LRMDA: variants seen among roughly 807,000 people sequenced by gnomAD.
LRMDA encodes leucine rich melanocyte differentiation associated.
LRMDA carries 18 observed loss-of-function variants against 29.8 expected under a neutral mutation model. The ratio of observed to expected loss-of-function variants is 0.60; its 90% CI spans 0.42 to 0.90. The LOEUF is 0.90. Ranked by LOEUF, LRMDA falls within the 40% of genes least tolerant of loss-of-function variation. LRMDA has a pLI of 0.00. For missense variants in LRMDA, 273 were observed against 273.9 expected (o/e 1.00, Z 0.02); for synonymous variants, 125 against 109.4 (o/e 1.14, Z -0.89).
chr10:75,938,960 G>A (rs1052767737), intron 2 of LRMDA, among the ~76,000 whole-genome samples: 6 of 152,170 alleles, frequency 3.9e-5, no homozygotes, highest in Admixed American at 6.5e-5. Flanking sequence ...GGGAAGCAGC[G>A]AACTGCAGAG....
rs960008420 is a variant in LRMDA, at chr10:75,508,025, G to A, written c.131+69531G>A. On this transcript the variant is annotated intron_variant, in intron 2 of 6. Transcript: ENST00000611255. The stretch of plus-strand genomic sequence containing the variant: ...ACACATGCAGAAGCATTTTAAAAAC[G>A]TATAGGGTTCGTAACTCTTTCGCTG... 4.6e-5 allele frequency among the ~76,000 whole-genome samples: 7 copies of A among 152,150 alleles called. No individual in the cohort carries two copies. In the South Asian group the frequency reaches 6.2e-4, roughly 14 times the overall value.
intron 2 of LRMDA, among the ~76,000 whole-genome samples, chr10:75,936,220 G>A (rs1267796648): frequency 6.6e-6 from 1 of 152,120 alleles, no homozygotes. Context: ...GTTTAAAAAT[G>A]TGCATATGTG....
At chr10:76,083,791 G>A (rs900589687) in intron 5 of LRMDA, among the ~76,000 whole-genome samples, 6 of 144,898 alleles carry the variant, frequency 4.1e-5, no homozygotes, top group Admixed American at 7.0e-5. Context: ...CTGAGATCGC[G>A]CCATTGCACT....
At chr10:75,598,774 T>C (rs2132089708) in intron 2 of LRMDA, among the ~76,000 whole-genome samples, 1 of 152,244 alleles carries the variant, frequency 6.6e-6, no homozygotes, top group Admixed American at 6.5e-5. Context: ...AACCTTTTGC[T>C]AAGAAGTTAT....
chr10:76,008,161 G>A (rs1847706602), intron 2 of LRMDA, among the ~76,000 whole-genome samples: 1 of 152,176 alleles, frequency 6.6e-6, no homozygotes, highest in Non-Finnish European at 1.5e-5. Flanking sequence ...GGGTGTTTGC[G>A]TTGGGGTGGC....
At chr10:75,978,027 A>G (rs1050886808) in intron 2 of LRMDA, among the ~76,000 whole-genome samples, 2 of 152,234 alleles carry the variant, frequency 1.3e-5, no homozygotes, top group Admixed American at 6.5e-5. Flanking sequence ...CATAAATGGC[A>G]TGCTGATTGT....
intron 2 of LRMDA, among the ~76,000 whole-genome samples, chr10:75,860,102 T>C (rs1844896835): frequency 6.6e-6 from 1 of 152,152 alleles, no homozygotes. Flanking sequence ...TTTGTCTATC[T>C]GTTTGCTATT....
rs115445760 is a variant in LRMDA, at chr10:75,438,757, G to A, written c.131+263G>A. ...TCACACGAGTTCCTATGAGAGAGCC[G>A]TCATATTTTCACTGTGTTCTTTTCA... On this transcript the variant is annotated intron_variant, in intron 2 of 6. Transcript: ENST00000611255. Among the ~76,000 whole-genome samples, 609 of 152,246 alleles carry A rather than the reference G, an allele frequency of 4.0e-3. 2 individuals carry two copies. Among genetic ancestry groups the A allele is most frequent in the African/African-American group, 0.014 (575 of 41,528 alleles).
chr10:76,064,864 T>G (rs1848758124), intron 5 of LRMDA, among the ~76,000 whole-genome samples: 1 of 152,240 alleles, frequency 6.6e-6, no homozygotes, highest in Non-Finnish European at 1.5e-5. Context: ...AAAAAATAAT[T>G]TAAAATATTG....
At chr10:75,613,569 C>A (rs1306636655) in intron 2 of LRMDA, among the ~76,000 whole-genome samples, 1 of 152,212 alleles carries the variant, frequency 6.6e-6, no homozygotes, top group African/African-American at 2.4e-5. Flanking sequence ...GAGGATTCTG[C>A]AGCACCTTTA....
intron 2 of LRMDA, among the ~76,000 whole-genome samples, chr10:75,626,017 AT>A (rs57604350): frequency 0.017 from 2,556 of 146,440 alleles, 68 homozygotes; most frequent in African/African-American, 0.06. Context: ...ATGCCTGGCT[AT>A]TTTTTTTTTT....
chr10:76,547,696 T>C lies in LRMDA; in HGVS notation c.602-9513T>C, dbSNP rs1205919216. ...CCTGTCTGAAAGATGTCTGAGTTTC[T>C]CACTCAAACATTGAGAAAGAAACGT... On this transcript the variant is annotated intron_variant, in intron 6 of 6. Transcript: ENST00000611255. 9.2e-5 allele frequency among the ~76,000 whole-genome samples: 14 copies of C among 152,214 alleles called. No individual in the cohort carries two copies. The East Asian group carries it at 2.7e-3, about 29-fold the overall frequency.
chr10:76,550,786 C>T (rs1238537446), intron 6 of LRMDA, among the ~76,000 whole-genome samples: 1 of 152,158 alleles, frequency 6.6e-6, no homozygotes, highest in Admixed American at 6.5e-5. Context: ...CCTCCTTCCT[C>T]AAAAACTGCT....
intron 5 of LRMDA, among the ~76,000 whole-genome samples, chr10:76,152,660 T>C (rs989190864): frequency 2.6e-5 from 4 of 151,952 alleles, no homozygotes; most frequent in Non-Finnish European, 5.9e-5. Context: ...TACATGAGAG[T>C]TTCAATTTCT....
chr10:76,040,087 G>A (rs1391995689), intron 3 of LRMDA, among the ~76,000 whole-genome samples: 4 of 152,176 alleles, frequency 2.6e-5, no homozygotes, highest in Admixed American at 1.3e-4. Flanking sequence ...AAGTCACATA[G>A]ATTGTCAGTA....
At chr10:75,546,533 G>A (rs1840083471) in intron 2 of LRMDA, among the ~76,000 whole-genome samples, 1 of 152,026 alleles carries the variant, frequency 6.6e-6, no homozygotes, top group Non-Finnish European at 1.5e-5. Context: ...GATGATTGCA[G>A]TTTTTCCTTT....
At chr10:75,942,046 G>A (rs1029939704) in intron 2 of LRMDA, among the ~76,000 whole-genome samples, 1 of 152,026 alleles carries the variant, frequency 6.6e-6, no homozygotes, top group African/African-American at 2.4e-5. Context: ...TGCTTGGGCA[G>A]GTTCTCATTT....
chr10:75,681,845 A>T (rs1842026700), intron 2 of LRMDA, among the ~76,000 whole-genome samples: 1 of 152,180 alleles, frequency 6.6e-6, no homozygotes, highest in Admixed American at 6.5e-5. Context: ...TTATCTCATC[A>T]TCATCATGTT....
intron 6 of LRMDA, among the ~76,000 whole-genome samples, chr10:76,483,170 T>C (rs1330393971): frequency 2.0e-5 from 3 of 152,016 alleles, no homozygotes; most frequent in Admixed American, 2.0e-4. Context: ...TTTCATTCCC[T>C]TAATGGTGTA....
Sources: allele counts gnomAD v4.1 joint callset (sites outside exome capture counted in the v4.1 genomes callset), GRCh38; gene constraint gnomAD v4.1.1; transcripts MANE v1.5; gene names NCBI Gene and HGNC (gene_info 2026-07-23, HGNC 2026-07-21).